Variants in DAB1 observed in about 807,000 individuals in gnomAD.
DAB1 encodes the protein DAB adaptor protein 1.
In DAB1, 15 loss-of-function variants were observed where a neutral mutation model predicts 64.6. The observed-to-expected ratio is 0.23, with a 90% CI of 0.16 to 0.36. The LOEUF is 0.36. DAB1 is among the 10% of genes least tolerant of loss of function. The probability of loss-of-function intolerance (pLI) is 1.00; values close to 1 mark genes in which losing one functional copy is unlikely to be tolerated. For missense variants in DAB1, 596 were observed against 706.7 expected, an observed-to-expected ratio of 0.84 and a Z score of 1.78; for synonymous variants, 235 against 251.9, an observed-to-expected ratio of 0.93 and a Z score of 0.64.
At chr1:57,700,600 C>T (rs1031198121) in intron 6 of DAB1, among the ~76,000 whole-genome samples, 1 of 152,134 alleles carries the variant, frequency 6.6e-6, no homozygotes, top group Non-Finnish European at 1.5e-5. Flanking sequence ...TCTTCTCTTT[C>T]TGCTTTTAGT....
chr1:57,181,865 C>T (rs1468924231), intron 2 of DAB1, among the ~76,000 whole-genome samples: 1 of 151,968 alleles, frequency 6.6e-6, no homozygotes, highest in Admixed American at 6.6e-5. Context: ...TGTTACATTG[C>T]AAGTGAAGTT....
At chr1:57,675,055 A>G (rs1165930852) in intron 6 of DAB1, among the ~76,000 whole-genome samples, 1 of 152,196 alleles carries the variant, frequency 6.6e-6, no homozygotes, top group African/African-American at 2.4e-5. Context: ...ATTGCACCAT[A>G]TATTGAGATA....
rs1055069848 is a variant in DAB1, at chr1:57,145,507, C to T, written c.68-78G>A. 42 of 1,477,944 alleles carry T rather than the reference C, an allele frequency of 2.8e-5. No individual in the cohort carries two copies. In the East Asian group the frequency reaches 3.0e-4, roughly 10 times the overall value. The allele number at this position is 1,477,944 out of a possible 1,614,324, so 91.6% of individuals were successfully genotyped here. ...TTTGAGTATCCACAATTCCAAGATC[C>T]GCTGTCTGGTTTCATCTACATTCCC... On this transcript the variant is annotated intron_variant, in intron 2 of 14. Transcript: ENST00000371236.
chr1:57,849,300 G>A (rs192888659), intron 1 of DAB1, among the ~76,000 whole-genome samples: 251 of 152,268 alleles, frequency 1.6e-3, no homozygotes, highest in Non-Finnish European at 2.4e-3. Context: ...CTGCTCCTTG[G>A]CCTCTATCTC....
At chr1:57,641,509 G>C (rs947749348) in intron 7 of DAB1, among the ~76,000 whole-genome samples, 2 of 146,416 alleles carry the variant, frequency 1.4e-5, no homozygotes, top group Admixed American at 7.1e-5. Context: ...TCAGCCTCCC[G>C]AGTAGCTGGG....
chr1:57,760,592 T>C (rs1649032822), intron 6 of DAB1, among the ~76,000 whole-genome samples: 1 of 149,146 alleles, frequency 6.7e-6, no homozygotes, highest in Admixed American at 6.8e-5. Flanking sequence ...TCTTTCTCTC[T>C]CAACTTCTTT....
intron 5 of DAB1, chr1:58,049,183 A>G (rs1484001815): frequency 2.9e-5 from 22 of 769,822 alleles, no homozygotes; most frequent in Admixed American, 2.7e-4. Flanking sequence ...AGCGTTCCCT[A>G]TTGCTCAAAA....
intron 3 of DAB1, among the ~76,000 whole-genome samples, chr1:58,355,038 A>G (rs1291537874): frequency 6.6e-6 from 1 of 152,176 alleles, no homozygotes; most frequent in Non-Finnish European, 1.5e-5. Context: ...TGAATAACTC[A>G]ATGGATATTT....
At chr1:58,140,576 C>T (rs1282992782) in intron 5 of DAB1, among the ~76,000 whole-genome samples, 1 of 151,128 alleles carries the variant, frequency 6.6e-6, no homozygotes, top group African/African-American at 2.4e-5. Context: ...CACAGGAGAA[C>T]TAAAAAAAAA....
intron 5 of DAB1, among the ~76,000 whole-genome samples, chr1:58,051,722 T>TTA (rs1416292538): frequency 6.6e-6 from 1 of 152,212 alleles, no homozygotes; most frequent in Non-Finnish European, 1.5e-5. Context: ...GTTTCCTGAC[T>TTA]TTTTAATGAT....
At chr1:57,321,615 AG>A (rs2100766225) in intron 1 of DAB1, among the ~76,000 whole-genome samples, 1 of 152,352 alleles carries the variant, frequency 6.6e-6, no homozygotes, top group African/African-American at 2.4e-5. Context: ...CATAAAAAGC[AG>A]GTGATACAGT....
intron 2 of DAB1, among the ~76,000 whole-genome samples, chr1:58,508,920 A>T (rs1646031003): frequency 6.6e-6 from 1 of 152,098 alleles, no homozygotes. Flanking sequence ...CTTCTGTCTC[A>T]TCTGTCTTGT....
At chr1:58,366,443 C>A (rs530378385) in intron 3 of DAB1, among the ~76,000 whole-genome samples, 30 of 152,198 alleles carry the variant, frequency 2.0e-4, no homozygotes, top group Non-Finnish European at 3.4e-4. Context: ...AGCTAAAACA[C>A]CAGCTCAGAG....
chr1:57,724,538 G>A (rs910071877), intron 6 of DAB1, among the ~76,000 whole-genome samples: 2 of 152,194 alleles, frequency 1.3e-5, no homozygotes, highest in African/African-American at 4.8e-5. Flanking sequence ...CAAACCAGGA[G>A]TGAAATTCTG....
At chr1:57,158,907 G>C (rs1181494708) in intron 2 of DAB1, among the ~76,000 whole-genome samples, 1 of 152,170 alleles carries the variant, frequency 6.6e-6, no homozygotes, top group African/African-American at 2.4e-5. Flanking sequence ...TCTGAAAAGT[G>C]CCTTGCATAA....
intron 4 of DAB1, among the ~76,000 whole-genome samples, chr1:58,267,967 A>G (rs573638724): frequency 5.9e-5 from 9 of 152,168 alleles, no homozygotes; most frequent in African/African-American, 2.2e-4. Flanking sequence ...TGTCTATCCA[A>G]TTACTCACAC....
At chr1:57,246,162 T>C (rs984904997) in intron 2 of DAB1, among the ~76,000 whole-genome samples, 1 of 152,078 alleles carries the variant, frequency 6.6e-6, no homozygotes, top group Non-Finnish European at 1.5e-5. Context: ...ATGGGGAAAA[T>C]GTCTCCAGGG....
chr1:57,748,415 G>A (rs1268666038), intron 6 of DAB1, among the ~76,000 whole-genome samples: 3 of 152,116 alleles, frequency 2.0e-5, no homozygotes, highest in Non-Finnish European at 4.4e-5. Flanking sequence ...ATGAGAATGC[G>A]ATTATTACAT....
intron 2 of DAB1, among the ~76,000 whole-genome samples, chr1:57,198,028 A>G (rs1190175065): frequency 6.6e-6 from 1 of 152,248 alleles, no homozygotes; most frequent in East Asian, 1.9e-4. Flanking sequence ...TAAAATAATG[A>G]GAATATATAC....
Sources: allele counts gnomAD v4.1 joint callset (sites outside exome capture counted in the v4.1 genomes callset), GRCh38; gene constraint gnomAD v4.1.1; transcripts MANE v1.5; gene names NCBI Gene and HGNC (gene_info 2026-07-23, HGNC 2026-07-21).